Variants in PSMA5 observed in about 807,000 individuals in gnomAD.
The protein encoded by PSMA5 is proteasome 20S subunit alpha 5.
PSMA5 carries 3 observed loss-of-function variants against 34.5 expected under a neutral mutation model. That is an observed-to-expected ratio of 0.09 (90% CI 0.04 to 0.22). The LOEUF (loss-of-function observed/expected upper bound fraction) is 0.22. PSMA5 is among the 10% of genes least tolerant of loss of function. The pLI, the probability that PSMA5 is intolerant of heterozygous loss-of-function variation, is 1.00. For synonymous variants in PSMA5, 88 were observed against 95.8 expected, an observed-to-expected ratio of 0.92 and a Z score of 0.47; for missense variants, 120 against 286.1, an observed-to-expected ratio of 0.42 and a Z score of 4.19.
chr1:109,408,703 T>C (rs1653882934), intron 8 of PSMA5, among the ~76,000 whole-genome samples: 1 of 152,048 alleles, frequency 6.6e-6, no homozygotes, highest in Non-Finnish European at 1.5e-5. Context: ...AGCTTTTTTT[T>C]TTTTCGGGAC....
Position 109,426,309 on chromosome 1 carries a change from AC to A in PSMA5, c.21del (p.Glu7AspfsTer6). 6.2e-7 allele frequency: 1 copy of A among 1,613,926 alleles called. No individual in the cohort carries two copies. Among genetic ancestry groups the A allele is most frequent in the Non-Finnish European group, 8.5e-7 (1 of 1,179,932 alleles). MFLTRS[E>X]YDRGVNTFSP... is the part of the protein sequence containing the mutation. ...TCCCCCAGCTGCACGGACCTGTCGTACTCAGACCGGGTAAGAAACATGGCGA... is the reference window on the plus strand; with the variant it reads ...TCCCCCAGCTGCACGGACCTGTCGTATCAGACCGGGTAAGAAACATGGCGA... On this transcript the variant is annotated frameshift_variant, in exon 1 of 9. Coordinates refer to ENST00000271308, the MANE Select transcript of PSMA5 (RefSeq NM_002790.4). LOFTEE classifies it high-confidence loss of function.
intron 1 of PSMA5, among the ~76,000 whole-genome samples, chr1:109,424,561 A>C (rs1654574671): frequency 6.6e-6 from 1 of 152,086 alleles, no homozygotes; most frequent in South Asian, 2.1e-4. Context: ...GTGGACCACG[A>C]GGTCAGGAGT....
intron 8 of PSMA5, among the ~76,000 whole-genome samples, chr1:109,409,718 A>G (rs1188786803): frequency 6.6e-6 from 1 of 152,172 alleles, no homozygotes; most frequent in Non-Finnish European, 1.5e-5. Flanking sequence ...GTTTAAGACC[A>G]GTCTGGGCAA....
intron 8 of PSMA5, among the ~76,000 whole-genome samples, chr1:109,405,949 T>C (rs1453516626): frequency 6.6e-6 from 1 of 151,708 alleles, no homozygotes; most frequent in Non-Finnish European, 1.5e-5. Context: ...GATTTGGGAG[T>C]TATTTATAAG....
intron 8 of PSMA5, among the ~76,000 whole-genome samples, chr1:109,406,926 C>T (rs992283153): frequency 2.0e-5 from 3 of 151,968 alleles, no homozygotes; most frequent in Admixed American, 6.6e-5. Flanking sequence ...TAAGGACACT[C>T]GACAGAAGGA....
intron 2 of PSMA5, among the ~76,000 whole-genome samples, chr1:109,420,430 T>C (rs1654396013): frequency 6.6e-6 from 1 of 152,172 alleles, no homozygotes. Context: ...CCTAGAACAT[T>C]ACCAGCTGAA....
intron 4 of PSMA5, chr1:109,412,796 TA>T: frequency 3.2e-6 from 1 of 311,320 alleles, no homozygotes; most frequent in African/African-American, 2.2e-5. Context: ...CAAAGTCAAT[TA>T]GGAAACAATG....
At position 109,402,022 on chromosome 1, in the gene PSMA5, C is replaced by T. The variant is rs373874667; in HGVS notation, c.717G>A (p.Lys239=). 9.4e-5 allele frequency: 151 copies of T among 1,609,082 alleles called. No homozygotes were observed. Among genetic ancestry groups the T allele is most frequent in the Non-Finnish European group, 1.2e-4 (140 of 1,176,542 alleles). Residue 239 remains lysine (K), a synonymous_variant, in exon 9 of 9, where the codon AAG becomes AAA. Coordinates refer to ENST00000271308, the MANE Select transcript of PSMA5 (RefSeq NM_002790.4). ...FTKEELEEVI[K]DI is the part of the protein sequence containing the mutation. ...TGAGGATCAGGATTCCTTAAATGTC[C>T]TTGATAACCTCTTCAAGTTCTTCCT...
At chr1:109,415,751 A>G (rs1466741488) in intron 2 of PSMA5, among the ~76,000 whole-genome samples, 1 of 152,232 alleles carries the variant, frequency 6.6e-6, no homozygotes, top group African/African-American at 2.4e-5. Flanking sequence ...AGTTCTAAAC[A>G]TAGTGGGCAA....
intron 4 of PSMA5, 59 bp downstream of exon 4, chr1:109,413,005 CTAGA>C: frequency 7.1e-7 from 1 of 1,404,814 alleles, no homozygotes; most frequent in Non-Finnish European, 1.0e-6. Flanking sequence ...GCCCAGGCAG[CTAGA>C]TAATCACTAA....
At chr1:109,418,226 C>T (rs1654293366) in intron 2 of PSMA5, among the ~76,000 whole-genome samples, 1 of 152,022 alleles carries the variant, frequency 6.6e-6, no homozygotes, top group African/African-American at 2.4e-5. Context: ...AAGAAATGCT[C>T]CTCATGACCA....
chr1:109,402,767 G>A (rs1280985253), intron 8 of PSMA5, among the ~76,000 whole-genome samples: 1 of 152,180 alleles, frequency 6.6e-6, no homozygotes, highest in Non-Finnish European at 1.5e-5. Context: ...GTGCAATGGC[G>A]TGATCTAGGC....
Position 109,419,996 on chromosome 1 carries a change from C to T in PSMA5, c.96+1864G>A, listed in dbSNP as rs1654377261. Among the ~76,000 whole-genome samples, 6 of 151,036 alleles carry T rather than the reference C, an allele frequency of 4.0e-5. No homozygotes were observed. In the South Asian group the frequency reaches 1.3e-3, roughly 32 times the overall value. The stretch of plus-strand genomic sequence containing the variant: ...TCAAAAAAAAAAAAAAAAAGGAATC[C>T]TTAATAGGACACTTAATTTGCCTGA... On this transcript the variant is annotated intron_variant, in intron 2 of 8. Transcript: ENST00000271308.
At position 109,411,188 on chromosome 1, in the gene PSMA5, C is replaced by G. The variant is rs1393943260; in HGVS notation, c.459-75G>C. On this transcript the variant is annotated intron_variant, in intron 6 of 8. Transcript: ENST00000271308. ...TTATGTAACAAACGTCTCACTAAAA[C>G]AAAGTATAAATGCTTGGCCCTGCAG... 3 of 1,022,494 alleles carry G rather than the reference C, an allele frequency of 2.9e-6. No individual in the cohort carries two copies. The Admixed American group carries it at 6.3e-5, about 21-fold the overall frequency. 63.3% of individuals were successfully genotyped at this position (1,022,494 alleles called of 1,614,324 possible). A position where few individuals can be genotyped will look rare whatever the true frequency, so the allele number is the denominator to read the frequency against.
chr1:109,403,601 G>A (rs1456192164), intron 8 of PSMA5, among the ~76,000 whole-genome samples: 1 of 152,044 alleles, frequency 6.6e-6, no homozygotes, highest in Non-Finnish European at 1.5e-5. Context: ...CTGCACTCCA[G>A]CCTGGGTGAC....
chr1:109,402,933 A>C (rs1653597145), intron 8 of PSMA5, among the ~76,000 whole-genome samples: 1 of 152,140 alleles, frequency 6.6e-6, no homozygotes, highest in Non-Finnish European at 1.5e-5. Context: ...TCGAACTCCC[A>C]ACCTCAGGTG....
At chr1:109,402,551 T>C (rs937567981) in intron 8 of PSMA5, among the ~76,000 whole-genome samples, 1 of 152,256 alleles carries the variant, frequency 6.6e-6, no homozygotes, top group Non-Finnish European at 1.5e-5. Flanking sequence ...ACAATAAGAA[T>C]AGCTAATTCA....
intron 8 of PSMA5, 44 bp downstream of exon 8, chr1:109,409,884 T>A: frequency 1.6e-6 from 2 of 1,219,368 alleles, no homozygotes; most frequent in Non-Finnish European, 2.3e-6. Flanking sequence ...CCTCATCTCT[T>A]AAAAAAAAAA....
intron 2 of PSMA5, among the ~76,000 whole-genome samples, chr1:109,416,282 G>A (rs1654194972): frequency 1.3e-5 from 2 of 151,934 alleles, no homozygotes; most frequent in South Asian, 4.1e-4. Context: ...ACCCTATACT[G>A]CCTATAATAT....
Sources: allele counts gnomAD v4.1 joint callset (sites outside exome capture counted in the v4.1 genomes callset), GRCh38; gene constraint gnomAD v4.1.1; transcripts MANE v1.5; gene names NCBI Gene and HGNC (gene_info 2026-07-23, HGNC 2026-07-21).